Variants in MYO3A observed in about 807,000 individuals in gnomAD.
The protein encoded by MYO3A is myosin IIIA.
In MYO3A, 180 loss-of-function variants were observed where a neutral mutation model predicts 192.7. That is an observed-to-expected ratio of 0.93 (90% CI 0.83 to 1.06). The LOEUF is 1.06. Ranked by LOEUF, MYO3A falls within the 50% of genes least tolerant of loss-of-function variation. The pLI is 0.00. For missense variants in MYO3A, 1,896 were observed against 1,905.0 expected, an observed-to-expected ratio of 1.00 and a Z score of 0.09; for synonymous variants, 628 against 645.3, an observed-to-expected ratio of 0.97 and a Z score of 0.41.
chr10:26,066,651 A>C (rs1415218668), intron 10 of MYO3A, among the ~76,000 whole-genome samples: 1 of 152,228 alleles, frequency 6.6e-6, no homozygotes, highest in Non-Finnish European at 1.5e-5. Flanking sequence ...TAATGAATTC[A>C]AACCCTTCAG....
At chr10:26,001,901 T>C (rs1840853269) in intron 6 of MYO3A, among the ~76,000 whole-genome samples, 1 of 152,106 alleles carries the variant, frequency 6.6e-6, no homozygotes, top group South Asian at 2.1e-4. Flanking sequence ...GTGGGAGGAT[T>C]GCCTGGGCCC....
intron 20 of MYO3A, among the ~76,000 whole-genome samples, chr10:26,136,749 A>G (rs7068611): frequency 0.5 from 75,378 of 151,768 alleles, 19,222 homozygotes; most frequent in Middle Eastern, 0.59. Flanking sequence ...TGGGCATGGC[A>G]GCTCACACCT....
At chr10:26,183,239 T>C (rs866047014) in intron 31 of MYO3A, among the ~76,000 whole-genome samples, 21 of 152,226 alleles carry the variant, frequency 1.4e-4, no homozygotes, top group Middle Eastern at 3.4e-3. Context: ...AAACTAAATG[T>C]TTCGGCTGGG....
intron 23 of MYO3A, among the ~76,000 whole-genome samples, chr10:26,152,222 A>C (rs1331782966): frequency 6.6e-6 from 1 of 152,254 alleles, no homozygotes; most frequent in Non-Finnish European, 1.5e-5. Flanking sequence ...TATGGATTTT[A>C]TATTCACCCA....
At chr10:26,164,745 A>G (rs1401290110) in intron 26 of MYO3A, among the ~76,000 whole-genome samples, 2 of 152,142 alleles carry the variant, frequency 1.3e-5, no homozygotes, top group African/African-American at 4.8e-5. Flanking sequence ...CCAGGCACGC[A>G]TGTTTGCAGG....
intron 23 of MYO3A, among the ~76,000 whole-genome samples, chr10:26,147,791 T>C (rs540257441): frequency 1.3e-5 from 2 of 152,270 alleles, no homozygotes; most frequent in African/African-American, 2.4e-5. Context: ...ATGCAGAAAA[T>C]GTGGTGGTAT....
intron 14 of MYO3A, among the ~76,000 whole-genome samples, chr10:26,077,291 A>T (rs1835653760): frequency 7.6e-5 from 4 of 52,572 alleles, no homozygotes; most frequent in South Asian, 6.0e-4. Context: ...TTTTTGTTTG[A>T]TTCTCCACTT....
intron 17 of MYO3A, among the ~76,000 whole-genome samples, chr10:26,105,330 A>G (rs1837730655): frequency 6.6e-6 from 1 of 152,118 alleles, no homozygotes; most frequent in East Asian, 1.9e-4. Context: ...TCCACCAACA[A>G]TACATATTAA....
chr10:26,156,557 A>C (rs970458178), intron 25 of MYO3A, among the ~76,000 whole-genome samples: 4 of 152,266 alleles, frequency 2.6e-5, no homozygotes, highest in African/African-American at 9.6e-5. Context: ...GAAAATGATC[A>C]AATTAGAACT....
chr10:26,056,637 G>T (rs1165474132), intron 10 of MYO3A, among the ~76,000 whole-genome samples: 1 of 152,060 alleles, frequency 6.6e-6, no homozygotes, highest in Non-Finnish European at 1.5e-5. Flanking sequence ...CTAGGTCAGG[G>T]GATGGCATTA....
chr10:25,983,318 C>G (rs192270491), intron 4 of MYO3A, among the ~76,000 whole-genome samples: 3 of 151,204 alleles, frequency 2.0e-5, no homozygotes, highest in East Asian at 2.0e-4. Flanking sequence ...TGCAGTGGTG[C>G]GATCTCGGCT....
chr10:26,158,618 T>G (rs1841297573), intron 26 of MYO3A, among the ~76,000 whole-genome samples: 1 of 152,142 alleles, frequency 6.6e-6, no homozygotes, highest in Non-Finnish European at 1.5e-5. Context: ...TAAATATATT[T>G]TATTGAGTAA....
At chr10:26,059,809 C>T (rs1295926286) in intron 10 of MYO3A, among the ~76,000 whole-genome samples, 1 of 152,188 alleles carries the variant, frequency 6.6e-6, no homozygotes, top group Non-Finnish European at 1.5e-5. Context: ...TTGCACGTGG[C>T]AGGGTCTCAA....
At chr10:26,156,198 A>G (rs1384565292) in intron 25 of MYO3A, among the ~76,000 whole-genome samples, 4 of 152,248 alleles carry the variant, frequency 2.6e-5, no homozygotes, top group Non-Finnish European at 5.9e-5. Flanking sequence ...GCTGTTTGAA[A>G]AGATCACATC....
intron 6 of MYO3A, among the ~76,000 whole-genome samples, chr10:26,000,207 G>T (rs865827814): frequency 1.3e-5 from 2 of 152,062 alleles, no homozygotes; most frequent in African/African-American, 4.8e-5. Flanking sequence ...TGCTAATCAG[G>T]TACCCTCTCT....
In MYO3A at chr10:25,949,769, C is replaced by T. The variant is rs1030802703; in HGVS notation, c.-17-2325C>T. On this transcript the variant is annotated intron_variant, in intron 2 of 34. Coordinates refer to ENST00000642920, the MANE Select transcript of MYO3A (RefSeq NM_017433.5). ...TTTCAGTTCTCCCTAAACCTTATTT[C>T]GCTTCCTAACTTAAAAAAAGTATTT... 2.6e-5 allele frequency among the ~76,000 whole-genome samples: 4 copies of T among 151,986 alleles called. No homozygotes were observed. In the South Asian group the frequency reaches 6.2e-4, roughly 24 times the overall value.
chr10:26,044,853 G>C (rs1008114686), intron 10 of MYO3A, among the ~76,000 whole-genome samples: 1 of 152,186 alleles, frequency 6.6e-6, no homozygotes, highest in African/African-American at 2.4e-5. Flanking sequence ...GCTTTTCCAT[G>C]TCAATTAGCA....
At chr10:26,110,721 G>A (rs180823489) in intron 17 of MYO3A, among the ~76,000 whole-genome samples, 69 of 152,182 alleles carry the variant, frequency 4.5e-4, no homozygotes, top group Non-Finnish European at 2.9e-4. Flanking sequence ...CATGCCATGA[G>A]GTCTGCGTGG....
chr10:26,153,370 T>A (rs1415963696), intron 23 of MYO3A, among the ~76,000 whole-genome samples: 1 of 152,212 alleles, frequency 6.6e-6, no homozygotes, highest in Non-Finnish European at 1.5e-5. Flanking sequence ...ATTTGTGTAG[T>A]CCTTAGAATG....
Sources: gnomAD v4.1 joint callset for allele counts (sites outside exome capture counted in the v4.1 genomes callset) on GRCh38, gnomAD v4.1.1 for gene constraint, MANE v1.5 for transcripts, NCBI Gene and HGNC (gene_info 2026-07-23, HGNC 2026-07-21) for gene names.